Variants in BBS9 observed in about 807,000 individuals in gnomAD.
BBS9 encodes protein PTHB1.
A neutral mutation model predicts 117.7 loss-of-function variants in BBS9; 89 were observed. That is an observed-to-expected ratio of 0.76 (90% CI 0.64 to 0.90). The LOEUF is 0.90. Among genes scored for constraint, BBS9 ranks in the 40% least tolerant of loss-of-function variants. BBS9 has a pLI of 0.00. For synonymous variants in BBS9, 379 were observed against 370.9 expected (o/e 1.02, Z -0.25); for missense variants, 982 against 1,042.2 (o/e 0.94, Z 0.80).
chr7:33,302,186 CAGA>C (rs1286558386), intron 9 of BBS9, among the ~76,000 whole-genome samples: 1 of 152,076 alleles, frequency 6.6e-6, no homozygotes, highest in Non-Finnish European at 1.5e-5. Flanking sequence ...AATCCCTTGT[CAGA>C]AGGATAGTTT....
chr7:33,526,749 G>C (rs538308416), intron 20 of BBS9, among the ~76,000 whole-genome samples: 238 of 151,322 alleles, frequency 1.6e-3, no homozygotes, highest in African/African-American at 5.6e-3. Flanking sequence ...CTCTCAGCTC[G>C]TCAAAGTCAT....
At chr7:33,450,689 T>G (rs577583303) in intron 19 of BBS9, among the ~76,000 whole-genome samples, 19 of 152,348 alleles carry the variant, frequency 1.2e-4, no homozygotes, top group African/African-American at 4.6e-4. Context: ...AAATCTCTAT[T>G]CAAATTCTTT....
Position 33,324,529 on chromosome 7 carries a change from G to T in BBS9, c.1017-11912G>T, listed in dbSNP as rs571652615. 2.0e-5 allele frequency among the ~76,000 whole-genome samples: 3 copies of T among 150,748 alleles called. No homozygotes were observed. In the East Asian group the frequency reaches 5.8e-4, roughly 29 times the overall value. ...CAGTTACAGTGTTGTACTATTCTAT[G>T]TTTTTCTGTGTCCTTGCTATTACAG... On this transcript the variant is annotated intron_variant, in intron 9 of 22. Coordinates refer to ENST00000242067, the MANE Select transcript of BBS9 (RefSeq NM_198428.3).
intron 21 of BBS9, among the ~76,000 whole-genome samples, chr7:33,578,022 G>A (rs1859233030): frequency 6.6e-6 from 1 of 152,154 alleles, no homozygotes; most frequent in African/African-American, 2.4e-5. Flanking sequence ...TGCACATTGT[G>A]CACATGTACC....
chr7:33,297,292 T>C lies in BBS9; in HGVS notation c.1016+23336T>C, dbSNP rs527324943. 2.6e-5 allele frequency among the ~76,000 whole-genome samples: 4 copies of C among 152,264 alleles called. No homozygotes were observed. The East Asian group carries it at 7.7e-4, about 29-fold the overall frequency. ...GTTTTAGAGGTGAAAATCTATTCAA[T>C]GAATACCACTGTTCTAAATACATAA... On this transcript the variant is annotated intron_variant, in intron 9 of 22. Coordinates refer to ENST00000242067, the MANE Select transcript of BBS9 (RefSeq NM_198428.3).
chr7:33,405,963 C>T (rs1829890729), intron 19 of BBS9, among the ~76,000 whole-genome samples: 1 of 151,924 alleles, frequency 6.6e-6, no homozygotes, highest in South Asian at 2.1e-4. Flanking sequence ...ATCTTTCCTG[C>T]TTTCTCTTGT....
At chr7:33,339,971 G>A (rs964757393) in intron 10 of BBS9, among the ~76,000 whole-genome samples, 1 of 150,764 alleles carries the variant, frequency 6.6e-6, no homozygotes, top group African/African-American at 2.4e-5. Context: ...AGTTTGATAT[G>A]TATATATATT....
chr7:33,425,421 G>A (rs572393559), intron 19 of BBS9, among the ~76,000 whole-genome samples: 2 of 152,256 alleles, frequency 1.3e-5, no homozygotes, highest in East Asian at 1.9e-4. Flanking sequence ...CGTGTGCCAC[G>A]GTGGTTTGCT....
intron 4 of BBS9, among the ~76,000 whole-genome samples, chr7:33,165,718 C>T (rs549078076): frequency 6.6e-6 from 1 of 152,238 alleles, no homozygotes; most frequent in East Asian, 1.9e-4. Context: ...ACTGTTTATT[C>T]TAGTTAGCCA....
chr7:33,350,441 T>G (rs955683915), intron 13 of BBS9, among the ~76,000 whole-genome samples: 1 of 152,210 alleles, frequency 6.6e-6, no homozygotes, highest in Non-Finnish European at 1.5e-5. Flanking sequence ...TTTTTTCCAT[T>G]TATTATGGCT....
At chr7:33,229,367 T>C (rs1295282096) in intron 5 of BBS9, among the ~76,000 whole-genome samples, 2 of 151,920 alleles carry the variant, frequency 1.3e-5, no homozygotes, top group Non-Finnish European at 2.9e-5. Context: ...AATTGTGTAT[T>C]CTGTCTCCCC....
intron 2 of BBS9, among the ~76,000 whole-genome samples, chr7:33,152,126 T>C (rs1379399115): frequency 2.6e-5 from 4 of 152,204 alleles, no homozygotes; most frequent in African/African-American, 2.4e-5. Flanking sequence ...CTTGATTACA[T>C]GTGCAAAGAC....
At chr7:33,324,315 C>G (rs1300568679) in intron 9 of BBS9, among the ~76,000 whole-genome samples, 1 of 152,158 alleles carries the variant, frequency 6.6e-6, no homozygotes, top group Non-Finnish European at 1.5e-5. Flanking sequence ...ATTTCATAAA[C>G]AAGCAAACAA....
At chr7:33,257,654 A>G (rs1797304103) in intron 6 of BBS9, among the ~76,000 whole-genome samples, 1 of 152,292 alleles carries the variant, frequency 6.6e-6, no homozygotes, top group Admixed American at 6.5e-5. Context: ...CAGATGTTTG[A>G]TGGTCCTTAT....
At chr7:33,504,203 C>G (rs753309874) in intron 19 of BBS9, among the ~76,000 whole-genome samples, 1 of 152,164 alleles carries the variant, frequency 6.6e-6, no homozygotes, top group African/African-American at 2.4e-5. Context: ...AACTTCCATG[C>G]CTCCCTGTAG....
At chr7:33,356,121 C>G (rs1419141917) in intron 15 of BBS9, among the ~76,000 whole-genome samples, 1 of 151,780 alleles carries the variant, frequency 6.6e-6, no homozygotes, top group East Asian at 1.9e-4. Flanking sequence ...AAGATGGAAA[C>G]AAGTTTAAGT....
chr7:33,417,185 C>G (rs1417526301), intron 19 of BBS9, among the ~76,000 whole-genome samples: 1 of 152,130 alleles, frequency 6.6e-6, no homozygotes, highest in Non-Finnish European at 1.5e-5. Context: ...CCTTATCAAT[C>G]TATTTTTCTA....
intron 9 of BBS9, among the ~76,000 whole-genome samples, chr7:33,316,995 G>A (rs1448965151): frequency 6.6e-6 from 1 of 152,126 alleles, no homozygotes; most frequent in Non-Finnish European, 1.5e-5. Flanking sequence ...AGCTTTATAA[G>A]TTTAGCTCTT....
chr7:33,170,650 A>G lies in BBS9; in HGVS notation c.329-6828A>G, dbSNP rs141612564. Among the ~76,000 whole-genome samples, 2,756 of 151,574 alleles carry G rather than the reference A, an allele frequency of 0.018. 234 individuals carry two copies. The East Asian group carries it at 0.28, about 15-fold the overall frequency. Reference sequence around the variant, plus strand: ...ATAAAGGGTATTCAATTAGGAAAAAAGGAAGTCAAATTGTCCCTGTTTGCG... The same window carrying G: ...ATAAAGGGTATTCAATTAGGAAAAAGGGAAGTCAAATTGTCCCTGTTTGCG... On this transcript the variant is annotated intron_variant, in intron 4 of 22. Transcript: ENST00000242067.
Sources: allele counts gnomAD v4.1 joint callset (sites outside exome capture counted in the v4.1 genomes callset), GRCh38; gene constraint gnomAD v4.1.1; transcripts MANE v1.5; gene names NCBI Gene and HGNC (gene_info 2026-07-23, HGNC 2026-07-21).